The following GALNTL5 variants were observed in gnomAD, a reference collection of about 807,000 sequenced individuals.
The protein encoded by GALNTL5 is polypeptide N-acetylgalactosaminyltransferase like 5, also known as inactive polypeptide N-acetylgalactosaminyltransferase-like protein 5.
A neutral mutation model predicts 51.0 loss-of-function variants in GALNTL5; 44 were observed. That is an observed-to-expected ratio of 0.86 (90% CI 0.68 to 1.11). The LOEUF (loss-of-function observed/expected upper bound fraction) is 1.11. GALNTL5 is among the 50% of genes least tolerant of loss of function. GALNTL5 has a pLI of 0.00. For missense variants in GALNTL5, 528 were observed against 531.8 expected (o/e 0.99, Z 0.07); for synonymous variants, 192 against 182.8 (o/e 1.05, Z -0.41).
At chr7:151,998,263 A>G (rs1024582221) in intron 5 of GALNTL5, among the ~76,000 whole-genome samples, 1 of 152,174 alleles carries the variant, frequency 6.6e-6, no homozygotes, top group Non-Finnish European at 1.5e-5. Flanking sequence ...ATATAAAAAC[A>G]TAGATTAATA....
intron 5 of GALNTL5, among the ~76,000 whole-genome samples, chr7:151,998,509 C>T (rs2081528511): frequency 1.3e-5 from 2 of 152,124 alleles, no homozygotes; most frequent in African/African-American, 4.8e-5. Context: ...TGGTGGCTCA[C>T]GCCCATAATC....
intron 5 of GALNTL5, among the ~76,000 whole-genome samples, chr7:151,994,514 C>T (rs2081469637): frequency 6.6e-6 from 1 of 151,992 alleles, no homozygotes; most frequent in Non-Finnish European, 1.5e-5. Flanking sequence ...CTTCCTTCCT[C>T]CCTCACCCAC....
At position 152,002,704 on chromosome 7, in the gene GALNTL5, GCCTCCC is replaced by G. The variant is rs748300431; in HGVS notation, c.659-8_659-3del. The G allele has an allele frequency of 6.2e-7, 1 of 1,613,522 alleles. No homozygotes were observed. The highest frequency in any genetic ancestry group is 8.5e-7 in the Non-Finnish European group (1 of 1,179,754). ...TGTGGACTAACATTGCCCTGTTCTTGCCTCCCCAGGGGATGTTCTGGTGTTCCTGGA... is the reference window on the plus strand; with the variant it reads ...TGTGGACTAACATTGCCCTGTTCTTGCAGGGGATGTTCTGGTGTTCCTGGA... On this transcript the variant is annotated splice_region_variant and splice_polypyrimidine_tract_variant and intron_variant, in intron 5 of 8. Coordinates refer to ENST00000392800, the MANE Select transcript of GALNTL5 (RefSeq NM_145292.4).
chr7:151,984,403 A>G (rs887479712), intron 4 of GALNTL5, among the ~76,000 whole-genome samples: 3 of 152,002 alleles, frequency 2.0e-5, no homozygotes, highest in Non-Finnish European at 4.4e-5. Flanking sequence ...GTGACCCACT[A>G]TGAGCTCAGA....
At chr7:151,969,695 ACT>A (rs2081105377) in intron 2 of GALNTL5, among the ~76,000 whole-genome samples, 1 of 151,898 alleles carries the variant, frequency 6.6e-6, no homozygotes, top group Admixed American at 6.6e-5. Context: ...ATGCATTGCA[ACT>A]CTCTCAGGAC....
At position 152,007,881 on chromosome 7, in the gene GALNTL5, A is replaced by G; in HGVS notation, c.963A>G (p.Glu321=). Residue 321 remains glutamate (E), a synonymous_variant, in exon 7 of 9, where the codon GAA becomes GAG. Transcript: ENST00000392800. Reference sequence around the variant, plus strand: ...CTATACGTCGGCATTATTTTAATGAAATTGGACAGTATGACAAGGATATGG... The same window carrying G: ...CTATACGTCGGCATTATTTTAATGAGATTGGACAGTATGACAAGGATATGG... ...IFAIRRHYFN[E]IGQYDKDMDF... 1.2e-6 allele frequency: 2 copies of G among 1,613,362 alleles called. No individual in the cohort carries two copies. The highest frequency in any genetic ancestry group is 1.7e-6 in the Non-Finnish European group (2 of 1,179,464).
intron 5 of GALNTL5, among the ~76,000 whole-genome samples, chr7:151,994,494 T>G (rs980102591): frequency 6.6e-6 from 1 of 151,976 alleles, no homozygotes. Flanking sequence ...CTGCTTTCCC[T>G]GACCTTTCCC....
chr7:152,006,379 C>T (rs1384055033), intron 6 of GALNTL5, among the ~76,000 whole-genome samples: 1 of 152,204 alleles, frequency 6.6e-6, no homozygotes, highest in Non-Finnish European at 1.5e-5. Context: ...ACATAACTGA[C>T]AGGAAGTGGG....
chr7:151,962,661 T>G (rs1253791957), intron 1 of GALNTL5, among the ~76,000 whole-genome samples: 1 of 151,922 alleles, frequency 6.6e-6, no homozygotes, highest in Non-Finnish European at 1.5e-5. Flanking sequence ...CAGACTGGAG[T>G]GCAGTGGCAT....
chr7:151,970,207 C>T (rs964555318), intron 2 of GALNTL5, among the ~76,000 whole-genome samples: 6 of 128,236 alleles, frequency 4.7e-5, no homozygotes, highest in South Asian at 2.6e-4. Flanking sequence ...CAGGAAGGGG[C>T]GGGGGGTGGG....
intron 5 of GALNTL5, among the ~76,000 whole-genome samples, chr7:152,000,619 G>A (rs951151764): frequency 1.3e-5 from 2 of 152,134 alleles, no homozygotes; most frequent in Non-Finnish European, 2.9e-5. Flanking sequence ...CGTCCTAGTG[G>A]ATGTAAAGGG....
chr7:151,957,092 G>T (rs7784210), intron 1 of GALNTL5, among the ~76,000 whole-genome samples: 4 of 148,512 alleles, frequency 2.7e-5, no homozygotes, highest in Non-Finnish European at 4.4e-5. Context: ...GACCATGTGA[G>T]TCCAGGAGTT....
chr7:152,014,899 T>G, intron 8 of GALNTL5, 106 bp downstream of exon 8: 1 of 1,055,622 alleles, frequency 9.5e-7, no homozygotes, highest in Non-Finnish European at 1.4e-6. Flanking sequence ...GTTCTGGAGG[T>G]CATTATCCTA....
intron 4 of GALNTL5, among the ~76,000 whole-genome samples, chr7:151,985,592 G>A (rs2081351604): frequency 1.3e-5 from 2 of 151,872 alleles, no homozygotes; most frequent in African/African-American, 4.8e-5. Context: ...CTCCCACTGA[G>A]CTACACAAAT....
intron 1 of GALNTL5, among the ~76,000 whole-genome samples, chr7:151,962,953 C>T (rs1163182040): frequency 6.6e-6 from 1 of 152,030 alleles, no homozygotes; most frequent in Non-Finnish European, 1.5e-5. Flanking sequence ...ATTTGCAATC[C>T]ACAGGTAGTT....
In GALNTL5 at chr7:152,007,901, A is replaced by T; in HGVS notation, c.983A>T (p.Asp328Val). ...YFNEIGQYDK[D>V]MDFWGRENLE... ...AATGAAATTGGACAGTATGACAAGGATATGGATTTTTGGGGAAGAGAAAAT... is the reference window on the plus strand; with the variant it reads ...AATGAAATTGGACAGTATGACAAGGTTATGGATTTTTGGGGAAGAGAAAAT... Residue 328 changes from aspartate to valine, a missense_variant, in exon 7 of 9, where the codon GAT becomes GTT. Asp to Val is a radical substitution (Grantham distance 152, BLOSUM62 -3). Transcript: ENST00000392800. 1.2e-6 allele frequency: 2 copies of T among 1,611,536 alleles called. No homozygotes were observed. The highest frequency in any genetic ancestry group is 8.5e-7 in the Non-Finnish European group (1 of 1,178,538).
At chr7:151,999,532 T>G (rs553337579) in intron 5 of GALNTL5, among the ~76,000 whole-genome samples, 7 of 152,336 alleles carry the variant, frequency 4.6e-5, no homozygotes, top group South Asian at 2.1e-4. Context: ...TTTCATTTTT[T>G]AAGTTCTCGT....
At chr7:151,981,512 ACATTTGAGT>A (rs930184881) in intron 3 of GALNTL5, among the ~76,000 whole-genome samples, 14 of 151,862 alleles carry the variant, frequency 9.2e-5, no homozygotes, top group African/African-American at 3.4e-4. Flanking sequence ...GTCCTGTGAG[ACATTTGAGT>A]CAGCTCACAA....
chr7:151,970,323 A>T (rs540781719), intron 2 of GALNTL5, among the ~76,000 whole-genome samples: 6 of 152,170 alleles, frequency 3.9e-5, no homozygotes, highest in Non-Finnish European at 7.3e-5. Flanking sequence ...CATATAGGTT[A>T]TTTTCTACAG....
Sources: allele counts gnomAD v4.1 joint callset (sites outside exome capture counted in the v4.1 genomes callset), GRCh38; gene constraint gnomAD v4.1.1; transcripts MANE v1.5; gene names NCBI Gene and HGNC (gene_info 2026-07-23, HGNC 2026-07-21).